PCDH7: variants seen among roughly 807,000 people sequenced by gnomAD.
PCDH7 encodes the protein protocadherin-7.
Under a neutral mutation model 58.9 loss-of-function variants are expected in PCDH7, and 17 were observed. The observed-to-expected ratio is 0.29, with a 90% CI of 0.20 to 0.43. The LOEUF (loss-of-function observed/expected upper bound fraction) is 0.43. PCDH7 is among the 20% of genes least tolerant of loss of function. The pLI is 1.00. For missense variants in PCDH7, 1,274 were observed against 1,441.0 expected, an observed-to-expected ratio of 0.88 and a Z score of 1.88; for synonymous variants, 664 against 616.4, an observed-to-expected ratio of 1.08 and a Z score of -1.14.
intron 3 of PCDH7, among the ~76,000 whole-genome samples, chr4:31,103,120 C>T (rs1198943643): frequency 1.3e-5 from 2 of 152,238 alleles, no homozygotes; most frequent in East Asian, 3.9e-4. Flanking sequence ...ATACAGGTCT[C>T]CTTACAAGAC....
chr4:30,983,543 T>G (rs999478127), intron 3 of PCDH7, among the ~76,000 whole-genome samples: 36 of 152,226 alleles, frequency 2.4e-4, no homozygotes, highest in African/African-American at 8.4e-4. Flanking sequence ...AAGAGCATAC[T>G]TATACATTTG....
At chr4:31,128,383 T>C (rs1368907708) in intron 3 of PCDH7, among the ~76,000 whole-genome samples, 1 of 152,114 alleles carries the variant, frequency 6.6e-6, no homozygotes, top group Non-Finnish European at 1.5e-5. Context: ...CTGTATTAGG[T>C]TGGCACATTG....
chr4:30,795,758 A>G (rs748061908), intron 1 of PCDH7, among the ~76,000 whole-genome samples: 2 of 152,220 alleles, frequency 1.3e-5, no homozygotes, highest in Non-Finnish European at 2.9e-5. Context: ...GTTTACCAAG[A>G]CTTTGAAAAG....
At chr4:30,786,844 T>C (rs1178221372) in intron 1 of PCDH7, 21 of 636,980 alleles carry the variant, frequency 3.3e-5, no homozygotes. Context: ...TGGATCCTAA[T>C]AGACCTGGAT....
chr4:30,965,846 G>A (rs563214423), intron 3 of PCDH7, among the ~76,000 whole-genome samples: 263 of 152,074 alleles, frequency 1.7e-3, no homozygotes, highest in Non-Finnish European at 2.4e-3. Flanking sequence ...TTTTAAAAAA[G>A]TAGCATTTTC....
At chr4:30,980,407 T>G (rs1182196540) in intron 3 of PCDH7, among the ~76,000 whole-genome samples, 2 of 152,238 alleles carry the variant, frequency 1.3e-5, no homozygotes, top group African/African-American at 4.8e-5. Context: ...GTTTTGTTTT[T>G]GTGAAGCACA....
intron 3 of PCDH7, among the ~76,000 whole-genome samples, chr4:31,126,771 A>G (rs1046808083): frequency 6.6e-6 from 1 of 152,190 alleles, no homozygotes; most frequent in African/African-American, 2.4e-5. Context: ...AATATAGTTC[A>G]CATAAATTTT....
intron 3 of PCDH7, among the ~76,000 whole-genome samples, chr4:30,957,115 TG>T (rs1352144861): frequency 6.6e-5 from 10 of 152,210 alleles, no homozygotes; most frequent in Non-Finnish European, 1.5e-5. Context: ...CTCATGGCTC[TG>T]GTCACGAGAG....
rs911493089 is a variant in PCDH7 at position 30,827,457 on chromosome 4, A to G, written c.71-92696A>G. Among the ~76,000 whole-genome samples, 4 of 152,172 alleles carry G rather than the reference A, an allele frequency of 2.6e-5. No individual in the cohort carries two copies. In the East Asian group the frequency reaches 7.7e-4, roughly 29 times the overall value. ...AATATTCACACATGACTTTCAGTGC[A>G]TGTTTTTAGAAATCTTTTTGGTAAA... On this transcript the variant is annotated intron_variant, in intron 1 of 3. Transcript: ENST00000509759.
At chr4:30,807,577 T>C (rs2109310869) in intron 1 of PCDH7, among the ~76,000 whole-genome samples, 1 of 152,284 alleles carries the variant, frequency 6.6e-6, no homozygotes, top group African/African-American at 2.4e-5. Context: ...GTAAAAATAA[T>C]GTTATGTTTG....
At chr4:31,002,021 T>C (rs1402717429) in intron 3 of PCDH7, among the ~76,000 whole-genome samples, 1 of 152,212 alleles carries the variant, frequency 6.6e-6, no homozygotes, top group African/African-American at 2.4e-5. Context: ...TGTTATAGAA[T>C]GTAGCTTCTT....
At chr4:30,874,825 CTCT>C (rs1736093108) in intron 1 of PCDH7, among the ~76,000 whole-genome samples, 1 of 151,720 alleles carries the variant, frequency 6.6e-6, no homozygotes, top group African/African-American at 2.4e-5. Context: ...ACTTAACTAC[CTCT>C]GTCTCATTAA....
At chr4:30,890,555 T>C (rs1177652771) in intron 1 of PCDH7, among the ~76,000 whole-genome samples, 1 of 151,996 alleles carries the variant, frequency 6.6e-6, no homozygotes, top group Non-Finnish European at 1.5e-5. Context: ...AAATATATGA[T>C]CATCTTTGTT....
chr4:31,029,911 G>A (rs1284527881), intron 3 of PCDH7, among the ~76,000 whole-genome samples: 2 of 152,128 alleles, frequency 1.3e-5, no homozygotes, highest in African/African-American at 4.8e-5. Flanking sequence ...GACAGAGAAA[G>A]AAAGACTAAT....
intron 3 of PCDH7, among the ~76,000 whole-genome samples, chr4:31,073,602 A>AT (rs1758736646): frequency 6.6e-6 from 1 of 152,184 alleles, no homozygotes; most frequent in Non-Finnish European, 1.5e-5. Context: ...ACTGAATATG[A>AT]TAATATCAAA....
chr4:30,789,669 G>A (rs1723857053), intron 1 of PCDH7, among the ~76,000 whole-genome samples: 1 of 152,066 alleles, frequency 6.6e-6, no homozygotes, highest in African/African-American at 2.4e-5. Flanking sequence ...TCCCAAAGGT[G>A]TGGTGGATAA....
chr4:30,930,506 A>C (rs1744432470), intron 2 of PCDH7, among the ~76,000 whole-genome samples: 1 of 152,226 alleles, frequency 6.6e-6, no homozygotes, highest in African/African-American at 2.4e-5. Context: ...ATTCCTGGGA[A>C]TAGATCAGAC....
At chr4:31,027,766 A>G (rs2109180433) in intron 3 of PCDH7, among the ~76,000 whole-genome samples, 1 of 152,338 alleles carries the variant, frequency 6.6e-6, no homozygotes, top group African/African-American at 2.4e-5. Flanking sequence ...GCTTTCCTAT[A>G]TACAAGTATA....
chr4:31,121,183 A>G (rs2109323805), intron 3 of PCDH7, among the ~76,000 whole-genome samples: 1 of 152,308 alleles, frequency 6.6e-6, no homozygotes, highest in South Asian at 2.1e-4. Flanking sequence ...CTTCATTTTT[A>G]CATCCAGGTG....
Sources: gnomAD v4.1 joint callset for allele counts (sites outside exome capture counted in the v4.1 genomes callset) on GRCh38, gnomAD v4.1.1 for gene constraint, MANE v1.5 for transcripts, NCBI Gene and HGNC (gene_info 2026-07-23, HGNC 2026-07-21) for gene names.